Variants in TENM3 observed in about 807,000 individuals in gnomAD.
The protein encoded by TENM3 is teneurin-3.
In TENM3, 63 loss-of-function variants were observed where a neutral mutation model predicts 255.1. That is an observed-to-expected ratio of 0.25 (90% CI 0.20 to 0.30). The LOEUF is 0.30. Ranked by LOEUF, TENM3 falls within the 10% of genes least tolerant of loss-of-function variation. The pLI is 1.00. For synonymous variants in TENM3, 1,306 were observed against 1,322.3 expected (o/e 0.99, Z 0.27); for missense variants, 2,929 against 3,461.1 (o/e 0.85, Z 3.86).
chr4:181,565,888 A>G, the TENM3 span, among the ~76,000 whole-genome samples: 1 of 152,232 alleles, frequency 6.6e-6, no homozygotes, highest in Non-Finnish European at 1.5e-5. Flanking sequence ...AAGTTTAGAC[A>G]GGTCCAGAAT....
chr4:182,477,182 C>T (rs1204706566), intron 3 of TENM3, among the ~76,000 whole-genome samples: 2 of 152,128 alleles, frequency 1.3e-5, no homozygotes, highest in African/African-American at 4.8e-5. Flanking sequence ...TCAAAATCTA[C>T]GATTTGATCA....
In TENM3 at chr4:182,755,098, G is replaced by A; in HGVS notation, c.4731G>A (p.Val1577=). 6.2e-7 allele frequency: 1 copy of A among 1,613,948 alleles called. No homozygotes were observed. The highest frequency in any genetic ancestry group is 8.5e-7 in the Non-Finnish European group (1 of 1,179,888). Residue 1577 remains valine (V), a synonymous_variant, in exon 22 of 28, where the codon GTG becomes GTA. Coordinates refer to ENST00000511685, the MANE Select transcript of TENM3 (RefSeq NM_001080477.4). ...RRDPNRMPVR[V]VSPDNQVIWL... is the part of the protein sequence containing the mutation. ...ACCCAAATCGCATGCCAGTTCGAGT[G>A]GTGTCTCCTGATAACCAAGTGATAT...
the TENM3 span, among the ~76,000 whole-genome samples, chr4:182,128,589 G>A: frequency 6.6e-6 from 1 of 152,100 alleles, no homozygotes; most frequent in Non-Finnish European, 1.5e-5. Flanking sequence ...TCTTTAAGGT[G>A]AACAATTCCT....
chr4:182,621,807 AT>A (rs1449743517), intron 4 of TENM3, among the ~76,000 whole-genome samples: 1 of 6,836 alleles, frequency 1.5e-4, no homozygotes, highest in African/African-American at 1.7e-4. Context: ...TATAATATAT[AT>A]ATTATATATA....
the TENM3 span, among the ~76,000 whole-genome samples, chr4:182,089,249 A>G: frequency 1.6e-3 from 241 of 152,334 alleles, no homozygotes; most frequent in African/African-American, 5.7e-3. Context: ...CAAACAGGTA[A>G]TCTTAGGCAC....
the TENM3 span, among the ~76,000 whole-genome samples, chr4:181,767,296 T>C: frequency 3.8e-4 from 53 of 140,676 alleles, no homozygotes; most frequent in Admixed American, 3.4e-3. Context: ...TCACAGTCAA[T>C]GAAATTCAAA....
intron 14 of TENM3, among the ~76,000 whole-genome samples, chr4:182,729,448 C>T (rs1426041549): frequency 6.6e-6 from 1 of 151,538 alleles, no homozygotes; most frequent in African/African-American, 2.4e-5. Context: ...ATTTTGTTAG[C>T]ACAGTTGGAA....
chr4:182,658,041 A>G (rs1753900779), intron 6 of TENM3, among the ~76,000 whole-genome samples: 1 of 152,136 alleles, frequency 6.6e-6, no homozygotes, highest in African/African-American at 2.4e-5. Flanking sequence ...GGGCTTTCAC[A>G]GTACCCCTAG....
At chr4:182,218,566 G>T (rs1247320623) in intron 1 of TENM3, among the ~76,000 whole-genome samples, 2 of 152,116 alleles carry the variant, frequency 1.3e-5, no homozygotes, top group African/African-American at 4.8e-5. Context: ...TGCAGTAAGT[G>T]ACTTCAAATC....
chr4:182,755,433 T>A, intron 22 of TENM3, 174 bp downstream of exon 22: 1 of 600,332 alleles, frequency 1.7e-6, no homozygotes, highest in Non-Finnish European at 2.8e-6. Context: ...TCTCAGCTCC[T>A]GGGGAGGCTG....
chr4:182,150,671 G>A (rs566040120), intron 1 of TENM3, among the ~76,000 whole-genome samples: 2 of 152,010 alleles, frequency 1.3e-5, no homozygotes, highest in South Asian at 4.2e-4. Context: ...CCATTTAGGA[G>A]GTAACTTATA....
At chr4:182,212,572 T>C (rs1755126218) in intron 1 of TENM3, among the ~76,000 whole-genome samples, 1 of 152,194 alleles carries the variant, frequency 6.6e-6, no homozygotes, top group Non-Finnish European at 1.5e-5. Context: ...GTTCACCCAC[T>C]TAGCCAGTGC....
the TENM3 span, among the ~76,000 whole-genome samples, chr4:181,564,289 T>C: frequency 6.6e-6 from 1 of 152,156 alleles, no homozygotes; most frequent in Non-Finnish European, 1.5e-5. Flanking sequence ...TTCATTATAG[T>C]ATTAGCGACA....
At chr4:181,994,915 C>T in the TENM3 span, among the ~76,000 whole-genome samples, 2 of 152,074 alleles carry the variant, frequency 1.3e-5, no homozygotes, top group Non-Finnish European at 2.9e-5. Context: ...CTTTTGTCTC[C>T]GTTGTATTAT....
chr4:182,007,283 G>A, the TENM3 span, among the ~76,000 whole-genome samples: 1 of 152,094 alleles, frequency 6.6e-6, no homozygotes, highest in Non-Finnish European at 1.5e-5. Context: ...GAATATCCTT[G>A]TTAATTTTTT....
chr4:181,627,370 T>C, the TENM3 span, among the ~76,000 whole-genome samples: 1 of 152,174 alleles, frequency 6.6e-6, no homozygotes, highest in Non-Finnish European at 1.5e-5. Flanking sequence ...AGTTCTAGGG[T>C]ACATGTGCAC....
At chr4:182,422,454 T>A (rs1770909107) in intron 3 of TENM3, among the ~76,000 whole-genome samples, 1 of 152,184 alleles carries the variant, frequency 6.6e-6, no homozygotes, top group Non-Finnish European at 1.5e-5. Flanking sequence ...CCTTAAAAAT[T>A]AATTATGATA....
chr4:182,185,553 G>C (rs910446493), intron 1 of TENM3, among the ~76,000 whole-genome samples: 2 of 152,140 alleles, frequency 1.3e-5, no homozygotes, highest in Admixed American at 6.5e-5. Flanking sequence ...TTGCAATCTT[G>C]TTAGTCTTTT....
the TENM3 span, among the ~76,000 whole-genome samples, chr4:181,964,642 G>A: frequency 1.3e-5 from 2 of 151,946 alleles, no homozygotes; most frequent in South Asian, 4.1e-4. Context: ...GGCTGATCGG[G>A]CTATTTTCTT....
Sources: allele counts gnomAD v4.1 joint callset (sites outside exome capture counted in the v4.1 genomes callset), GRCh38; gene constraint gnomAD v4.1.1; transcripts MANE v1.5; gene names NCBI Gene and HGNC (gene_info 2026-07-23, HGNC 2026-07-21).